The following CENPN variants were observed in gnomAD, a reference collection of about 807,000 sequenced individuals.
CENPN encodes the protein centromere protein N.
CENPN carries 36 observed loss-of-function variants against 48.6 expected under a neutral mutation model. The observed-to-expected ratio is 0.74, with a 90% CI of 0.57 to 0.98. The LOEUF (loss-of-function observed/expected upper bound fraction) is 0.98, where lower values mean the gene tolerates loss of function less well. Ranked by LOEUF, CENPN falls within the 50% of genes least tolerant of loss-of-function variation. The probability of loss-of-function intolerance (pLI) is 0.00; values close to 1 mark genes in which losing one functional copy is unlikely to be tolerated. For synonymous variants in CENPN, 166 were observed against 135.2 expected (o/e 1.23, Z -1.58); for missense variants, 439 against 399.2 (o/e 1.10, Z -0.85).
At position 81,030,462 on chromosome 16, in the gene CENPN, C is replaced by T; in HGVS notation, c.*1811C>T. 5.3e-6 allele frequency: 5 copies of T among 947,208 alleles called. No homozygotes were observed. The South Asian group carries it at 1.9e-4, about 37-fold the overall frequency. 58.7% of individuals were successfully genotyped at this position (947,208 alleles called of 1,614,324 possible). On this transcript the variant is annotated 3_prime_UTR_variant, in exon 11 of 11. Transcript: ENST00000305850. ...AACATGATATAGAAAAATGACTTCA[C>T]TCTGGGCCGGGTGTAGTGGCTCACG...
chr16:81,024,381 TC>T (rs1490680451), intron 7 of CENPN: 1 of 164,300 alleles, frequency 6.1e-6, no homozygotes, highest in Admixed American at 6.4e-5. Flanking sequence ...ATTTTTCCAA[TC>T]TCAGTAAGTT....
Position 81,011,439 on chromosome 16 carries a change from C to T in CENPN, c.-10-491C>T, listed in dbSNP as rs190694006. Reference sequence around the variant, plus strand: ...TTTTTGGCCAAAGACATATGTATCCCCAGTGCCTAGAAAAGGGCCTGGCAT... The same window carrying T: ...TTTTTGGCCAAAGACATATGTATCCTCAGTGCCTAGAAAAGGGCCTGGCAT... On this transcript the variant is annotated intron_variant, in intron 1 of 10. Coordinates refer to ENST00000305850, the MANE Select transcript of CENPN (RefSeq NM_001100624.3). Among the ~76,000 whole-genome samples the T allele has an allele frequency of 2.9e-3, 440 of 152,204 alleles. 5 individuals are homozygous for T. The highest frequency in any genetic ancestry group is 0.027 in the South Asian group (128 of 4,814).
In CENPN at chr16:81,024,737, C is replaced by A. The variant is rs200191233; in HGVS notation, c.656C>A (p.Thr219Lys). The change falls in exon 8 of 11, where the codon ACG becomes AAG. Residue 219 changes from threonine to lysine, a missense_variant. By Grantham distance (78) the Thr-to-Lys change is moderately conservative. Transcript: ENST00000305850. Reference sequence around the variant, plus strand: ...TAGACCTTTGAAACTCACAACTCTACGACACCTCTACAGGAAAGAAGCCTT... The same window carrying A: ...TAGACCTTTGAAACTCACAACTCTAAGACACCTCTACAGGAAAGAAGCCTT... ...YNQTFETHNS[T>K]TPLQERSLGL... 2 of 1,609,962 alleles carry A rather than the reference C, an allele frequency of 1.2e-6. No individual in the cohort carries two copies. Among genetic ancestry groups the A allele is most frequent in the East Asian group, 2.2e-5 (1 of 44,740 alleles).
At chr16:81,009,177 A>G (rs1318426861) in intron 1 of CENPN, among the ~76,000 whole-genome samples, 1 of 152,198 alleles carries the variant, frequency 6.6e-6, no homozygotes, top group Non-Finnish European at 1.5e-5. Context: ...AAATCCCACT[A>G]CTACACTCTA....
intron 1 of CENPN, among the ~76,000 whole-genome samples, chr16:81,010,898 T>G (rs1969714708): frequency 6.6e-6 from 1 of 152,124 alleles, no homozygotes; most frequent in South Asian, 2.1e-4. Flanking sequence ...CTCACTAACC[T>G]CCAACCTCTG....
intron 10 of CENPN, 136 bp downstream of exon 10, chr16:81,028,433 T>C: frequency 6.8e-7 from 1 of 1,471,902 alleles, no homozygotes; most frequent in Non-Finnish European, 9.2e-7. Flanking sequence ...TTGCATCTTC[T>C]GCTTCTGTAC....
chr16:81,014,881 C>A (rs186405455), intron 3 of CENPN, among the ~76,000 whole-genome samples: 15 of 152,300 alleles, frequency 9.8e-5, no homozygotes, highest in African/African-American at 3.6e-4. Context: ...TACAACCATT[C>A]TTTTCTCACT....
At chr16:81,025,687 CTCTCTTTTTTTTTTT>C in intron 8 of CENPN, among the ~76,000 whole-genome samples, 1 of 4,374 alleles carries the variant, frequency 2.3e-4, no homozygotes, top group Non-Finnish European at 3.4e-3. Context: ...GAGACCCTGT[CTCTCTTTTTTTTTTT>C]TTTTTTTTTT....
chr16:81,017,227 C>A, intron 3 of CENPN, 99 bp from the exon 4 acceptor site: 1 of 778,308 alleles, frequency 1.3e-6, no homozygotes, highest in Non-Finnish European at 2.1e-6. Flanking sequence ...TTGTGAATTA[C>A]TGTTACTTTC....
chr16:81,011,848 T>C, intron 1 of CENPN, 82 bp from the exon 2 acceptor site: 1 of 1,110,248 alleles, frequency 9.0e-7, no homozygotes, highest in Non-Finnish European at 1.3e-6. Flanking sequence ...ATTTTTCATA[T>C]GTGTATGTGT....
rs1969761273 is a variant in CENPN, at chr16:81,012,016, A to AGGCC, written c.78_81dup (p.Trp28GlyfsTer7). ...ATGAATGAACTGACAACAATCCTGA[A>AGGCC]GGCCTGGGATTTTTTGTCTGAAAAT... is the stretch of plus-strand genomic sequence containing the variant. On this transcript the variant is annotated frameshift_variant, in exon 2 of 11. Coordinates refer to ENST00000305850, the MANE Select transcript of CENPN (RefSeq NM_001100624.3). LOFTEE classifies it high-confidence loss of function. 1 of 1,614,136 alleles carries AGGCC rather than the reference A, an allele frequency of 6.2e-7. No individual in the cohort carries two copies. The highest frequency in any genetic ancestry group is 1.7e-5 in the Admixed American group (1 of 60,028).
At chr16:81,023,191 T>C in intron 7 of CENPN, 1 of 295,494 alleles carries the variant, frequency 3.4e-6, no homozygotes, top group South Asian at 3.2e-5. Flanking sequence ...AGATCTGTCC[T>C]TACAGATGCA....
chr16:81,028,764 G>C lies in CENPN; in HGVS notation c.*113G>C. The C allele has an allele frequency of 6.9e-7, 1 of 1,457,620 alleles. No homozygotes were observed. Among genetic ancestry groups the C allele is most frequent in the Middle Eastern group, 1.8e-4 (1 of 5,470 alleles). The allele number at this position is 1,457,620 out of a possible 1,614,324, so 90.3% of individuals were successfully genotyped here. A position where few individuals can be genotyped will look rare whatever the true frequency, so the allele number is the denominator to read the frequency against. On this transcript the variant is annotated 3_prime_UTR_variant, in exon 11 of 11. Transcript: ENST00000305850. ...TAAACTTGTATTTTCAAGAATCCTT[G>C]GTATTGAATTTTTAGAAATGCTCAC...
chr16:81,029,051 T>G lies in CENPN; in HGVS notation c.*400T>G. ...TGGCTGGTTTCCAGGGATTGATTCT[T>G]AAGCTCTGGATCACAGAGAGAAGCA... On this transcript the variant is annotated 3_prime_UTR_variant, in exon 11 of 11. Transcript: ENST00000305850. The G allele has an allele frequency of 1.0e-6, 1 of 988,976 alleles. No individual in the cohort carries two copies. The highest frequency in any genetic ancestry group is 1.2e-6 in the Non-Finnish European group (1 of 832,534). The allele number at this position is 988,976 out of a possible 1,614,324, so 61.3% of individuals were successfully genotyped here.
rs1970657231 is a variant in CENPN, at chr16:81,029,251, A to G, written c.*600A>G. On this transcript the variant is annotated 3_prime_UTR_variant, in exon 11 of 11. Transcript: ENST00000305850. ...GATACTTCTCATAATCTATTTTATC[A>G]TGTGTATAACATTCAAACTGACAAA... 1 of 913,676 alleles carries G rather than the reference A, an allele frequency of 1.1e-6. No individual in the cohort carries two copies. Among genetic ancestry groups the G allele is most frequent in the Non-Finnish European group, 1.3e-6 (1 of 764,648 alleles). The allele number at this position is 913,676 out of a possible 1,614,324, so 56.6% of individuals were successfully genotyped here. A position where few individuals can be genotyped will look rare whatever the true frequency, so the allele number is the denominator to read the frequency against.
At chr16:81,021,992 C>G (rs1970233527) in intron 6 of CENPN, among the ~76,000 whole-genome samples, 1 of 152,194 alleles carries the variant, frequency 6.6e-6, no homozygotes, top group African/African-American at 2.4e-5. Context: ...CTCCCGACTT[C>G]AAGTGATCCA....
At chr16:81,008,927 C>T (rs1969623369) in intron 1 of CENPN, among the ~76,000 whole-genome samples, 3 of 152,182 alleles carry the variant, frequency 2.0e-5, no homozygotes, top group African/African-American at 7.2e-5. Context: ...CAGTGGATGG[C>T]CTGGTGCAGA....
At chr16:81,020,303 A>G in intron 6 of CENPN, 27 bp downstream of exon 6, 1 of 1,596,896 alleles carries the variant, frequency 6.3e-7, no homozygotes, top group Non-Finnish European at 8.5e-7. Context: ...TACAAGCTAT[A>G]ATATTTTATT....
At chr16:81,014,070 G>C (rs1401895607) in intron 2 of CENPN, 66 bp from the exon 3 acceptor site, 1 of 1,313,232 alleles carries the variant, frequency 7.6e-7, no homozygotes, top group African/African-American at 1.4e-5. Context: ...ATCCTAAAAT[G>C]TGTTTTAAAC....
Sources: gnomAD v4.1 joint callset for allele counts (sites outside exome capture counted in the v4.1 genomes callset) on GRCh38, gnomAD v4.1.1 for gene constraint, MANE v1.5 for transcripts, NCBI Gene and HGNC (gene_info 2026-07-23, HGNC 2026-07-21) for gene names.